TMEM91: variants seen among roughly 807,000 people sequenced by gnomAD.
The protein encoded by TMEM91 is transmembrane protein 91.
In TMEM91, 6 loss-of-function variants were observed where a neutral mutation model predicts 13.3. That is an observed-to-expected ratio of 0.45 (90% CI 0.25 to 0.89). The LOEUF is 0.89. TMEM91 is among the 40% of genes least tolerant of loss of function. TMEM91 has a pLI of 0.19. For synonymous variants in TMEM91, 87 were observed against 101.7 expected (o/e 0.86, Z 0.87); for missense variants, 193 against 228.7 (o/e 0.84, Z 1.01).
intron 3 of TMEM91, 188 bp downstream of exon 3, chr19:41,383,109 A>G: frequency 1.3e-6 from 1 of 763,830 alleles, no homozygotes; most frequent in Non-Finnish European, 2.1e-6. Context: ...GCTGGAGTGC[A>G]GTGGTACAAT....
chr19:41,375,647 C>CA (rs529098721), upstream of TMEM91, among the ~76,000 whole-genome samples: 5 of 149,098 alleles, frequency 3.4e-5, no homozygotes, highest in East Asian at 2.1e-4. Context: ...CACTCCTCCG[C>CA]AAAAAAACAC....
In TMEM91 at chr19:41,383,916, C is replaced by T; in HGVS notation, c.*43C>T. The T allele has an allele frequency of 6.3e-7, 1 of 1,577,780 alleles. No homozygotes were observed. The highest frequency in any genetic ancestry group is 2.4e-5 in the East Asian group (1 of 42,012). The stretch of plus-strand genomic sequence containing the variant: ...ACTGTGAACCCTGAGGCCGGCAGCC[C>T]AGCAAATCTGTGGGCAGAGAGTGGA... On this transcript the variant is annotated 3_prime_UTR_variant, in exon 4 of 4. Transcript: ENST00000392002.
In TMEM91 at chr19:41,383,730, G is replaced by A. The variant is rs1387660665; in HGVS notation, c.376G>A (p.Ala126Thr). Residue 126 changes from alanine to threonine, a missense_variant, in exon 4 of 4, where the codon GCC becomes ACC. By Grantham distance (58) the Ala-to-Thr change is moderately conservative. Transcript: ENST00000392002. ...CLAQKTNKAWAKGDIQGAGAA... is the reference protein window; with the variant it reads ...CLAQKTNKAWTKGDIQGAGAA... Reference sequence around the variant, plus strand: ...GCCTCTACAGACCAACAAGGCTTGGGCCAAGGGGGACATCCAGGGGGCAGG... The same window carrying A: ...GCCTCTACAGACCAACAAGGCTTGGACCAAGGGGGACATCCAGGGGGCAGG... 2 of 1,609,368 alleles carry A rather than the reference G, an allele frequency of 1.2e-6. No homozygotes were observed. The highest frequency in any genetic ancestry group is 8.5e-7 in the Non-Finnish European group (1 of 1,177,328).
intron 2 of TMEM91, among the ~76,000 whole-genome samples, chr19:41,379,894 T>TTTA (rs1234631324): frequency 6.9e-6 from 1 of 144,140 alleles, no homozygotes; most frequent in African/African-American, 2.6e-5. Flanking sequence ...CTTCCTTTTT[T>TTTA]TTTTTTTTTT....
chr19:41,369,244 C>G (rs2038575058), intron 1 of TMEM91, among the ~76,000 whole-genome samples: 1 of 152,034 alleles, frequency 6.6e-6, no homozygotes, highest in South Asian at 2.1e-4. Flanking sequence ...ATGGTGTGAT[C>G]TCTCCTCACC....
chr19:41,379,324 T>C (rs2038813840), intron 2 of TMEM91, among the ~76,000 whole-genome samples: 1 of 150,252 alleles, frequency 6.7e-6, no homozygotes, highest in South Asian at 2.1e-4. Context: ...TATTTTTATT[T>C]AATTTTTCAT....
intron 1 of TMEM91, among the ~76,000 whole-genome samples, chr19:41,369,541 A>C (rs1282209475): frequency 1.3e-5 from 2 of 148,464 alleles, no homozygotes; most frequent in African/African-American, 2.5e-5. Flanking sequence ...GCAGTGGCTC[A>C]TGCCTGGATT....
rs776008895 is a variant in TMEM91 at position 41,383,931 on chromosome 19, CAG to C, written c.*63_*64del. The C allele has an allele frequency of 2.5e-6, 4 of 1,573,484 alleles. No individual in the cohort carries two copies. The African/African-American group carries it at 5.6e-5, about 22-fold the overall frequency. On this transcript the variant is annotated 3_prime_UTR_variant, in exon 4 of 4. Transcript: ENST00000392002. ...GCCGGCAGCCCAGCAAATCTGTGGG[CAG>C]AGAGTGGAGAATCTTGGTGGATGAG...
intron 2 of TMEM91, 38 bp downstream of exon 2, chr19:41,378,557 G>A (rs775632185): frequency 1.9e-6 from 3 of 1,608,374 alleles, no homozygotes; most frequent in East Asian, 2.2e-5. Flanking sequence ...GCACGGGAGG[G>A]GGCTGGGGTG....
chr19:41,366,738 C>A (rs951890100), intron 1 of TMEM91, among the ~76,000 whole-genome samples: 1 of 152,012 alleles, frequency 6.6e-6, no homozygotes, highest in African/African-American at 2.4e-5. Context: ...AGATTACAGG[C>A]ATGAGCCACT....
chr19:41,372,787 A>T (rs199672783), upstream of TMEM91, among the ~76,000 whole-genome samples: 1 of 151,440 alleles, frequency 6.6e-6, no homozygotes, highest in African/African-American at 2.4e-5. Context: ...TTCTCCATTA[A>T]TTTTTTTTTG....
upstream of TMEM91, among the ~76,000 whole-genome samples, chr19:41,371,921 C>T (rs537259404): frequency 2.0e-5 from 3 of 152,006 alleles, no homozygotes; most frequent in South Asian, 4.2e-4. Context: ...GTCACTCAGA[C>T]TATAGTGCAG....
chr19:41,380,057 A>C (rs1438524406), intron 2 of TMEM91, among the ~76,000 whole-genome samples: 8 of 151,740 alleles, frequency 5.3e-5, no homozygotes, highest in Non-Finnish European at 1.2e-4. Context: ...CACCATGCCC[A>C]GCTAATTTTG....
intron 2 of TMEM91, among the ~76,000 whole-genome samples, chr19:41,379,266 G>A (rs981744324): frequency 8.7e-5 from 13 of 148,698 alleles, no homozygotes; most frequent in African/African-American, 3.2e-4. Flanking sequence ...GGACTGCCTC[G>A]CCCAGGAGTT....
At chr19:41,375,728 A>T (rs1465020438), upstream of TMEM91, among the ~76,000 whole-genome samples, 1 of 151,942 alleles carries the variant, frequency 6.6e-6, no homozygotes, top group Non-Finnish European at 1.5e-5. Flanking sequence ...CCGAGGCTGC[A>T]GTGAACCCAG....
chr19:41,369,560 T>C (rs1360784821), intron 1 of TMEM91, among the ~76,000 whole-genome samples: 1 of 148,862 alleles, frequency 6.7e-6, no homozygotes, highest in Non-Finnish European at 1.5e-5. Flanking sequence ...TTCCCAGCAC[T>C]TTGGGAGGCC....
At chr19:41,378,632 T>A in intron 2 of TMEM91, 113 bp downstream of exon 2, 1 of 1,068,000 alleles carries the variant, frequency 9.4e-7, no homozygotes, top group Non-Finnish European at 1.4e-6. Context: ...GCCTGGAGTC[T>A]CACTTCCCAG....
upstream of TMEM91, chr19:41,374,094 G>A (rs1487456207): frequency 6.6e-6 from 1 of 152,248 alleles, no homozygotes; most frequent in African/African-American, 2.4e-5. Context: ...CTACCCTCCC[G>A]TGGGTCTCCC....
At chr19:41,366,052 CTTTTTTTTTTTT>C (rs11375696) in intron 1 of TMEM91, among the ~76,000 whole-genome samples, 2 of 105,840 alleles carry the variant, frequency 1.9e-5, no homozygotes, top group Non-Finnish European at 3.6e-5. Flanking sequence ...TATTTATTTA[CTTTTTTTTTTTT>C]TTTTTTTTGA....
Sources: gnomAD v4.1 joint callset for allele counts (sites outside exome capture counted in the v4.1 genomes callset) on GRCh38, gnomAD v4.1.1 for gene constraint, MANE v1.5 for transcripts, NCBI Gene and HGNC (gene_info 2026-07-23, HGNC 2026-07-21) for gene names.